Variants in ENOSF1 observed in about 807,000 individuals in gnomAD.
The protein encoded by ENOSF1 is enolase superfamily member 1, also known as mitochondrial enolase superfamily member 1.
Under a neutral mutation model 68.2 loss-of-function variants are expected in ENOSF1, and 73 were observed. The ratio of observed to expected loss-of-function variants is 1.07; its 90% CI spans 0.89 to 1.30. The LOEUF (loss-of-function observed/expected upper bound fraction) is 1.30. Ranked by LOEUF, ENOSF1 falls within the 50% of genes most tolerant of loss-of-function variation. The pLI is 0.00. For missense variants in ENOSF1, 589 were observed against 554.5 expected (o/e 1.06, Z -0.62); for synonymous variants, 223 against 210.4 (o/e 1.06, Z -0.52).
Position 672,637 on chromosome 18 carries a change from CTGTGTAA to C in ENOSF1, c.*1661_*1667del, listed in dbSNP as rs1289342089. 1.3e-5 allele frequency: 5 copies of C among 379,848 alleles called. No homozygotes were observed. The highest frequency in any genetic ancestry group is 2.4e-5 in the Non-Finnish European group (5 of 212,400). The allele number at this position is 379,848 out of a possible 1,614,324, so 23.5% of individuals were successfully genotyped here. A position where few individuals can be genotyped will look rare whatever the true frequency, so the allele number is the denominator to read the frequency against. ...CTGATGAGGCACCAGGCTCCTGATG[CTGTGTAA>C]TGTCACAAAATACCCCTCACTCTCG... On this transcript the variant is annotated 3_prime_UTR_variant, in exon 16 of 16. Coordinates refer to ENST00000647584, the MANE Select transcript of ENOSF1 (RefSeq NM_017512.7).
rs566491053 is a variant in ENOSF1, at chr18:672,344, C to G, written c.*1961G>C. ...GGAGGTGACTTCAGGCTTATTCTCT[C>G]TGGCTCTCTGCTCTGGTCGTTTTTA... is the stretch of plus-strand genomic sequence containing the variant. On this transcript the variant is annotated 3_prime_UTR_variant, in exon 16 of 16. Coordinates refer to ENST00000647584, the MANE Select transcript of ENOSF1 (RefSeq NM_017512.7). The G allele has an allele frequency of 6.6e-6, 1 of 152,426 alleles. No individual in the cohort carries two copies. The highest frequency in any genetic ancestry group is 1.5e-5 in the Non-Finnish European group (1 of 68,116). The allele number at this position is 152,426 out of a possible 1,614,324, so 9.4% of individuals were successfully genotyped here. A position where few individuals can be genotyped will look rare whatever the true frequency, so the allele number is the denominator to read the frequency against.
downstream of ENOSF1, among the ~76,000 whole-genome samples, chr18:667,023 A>AGATGGT (rs1187253620): frequency 2.4e-4 from 1 of 4,126 alleles, no homozygotes; most frequent in East Asian, 5.5e-3. Context: ...ATGGAGATGG[A>AGATGGT]GATGGTGATG....
Position 677,363 on chromosome 18 carries a change from G to A in ENOSF1, c.1130C>T (p.Ser377Phe). 1.2e-6 allele frequency: 2 copies of A among 1,613,816 alleles called. No homozygotes were observed. The highest frequency in any genetic ancestry group is 4.5e-5 in the East Asian group (2 of 44,882). ...TACTGACCTATTTTCAAGGCTTGCA[G>A]AAACTGATATGTAGTCAAATATAAT... Reference protein sequence around the residue: ...HLIIFDYISVSASLENRVCEY... With the variant: ...HLIIFDYISVFASLENRVCEY... Residue 377 changes from serine to phenylalanine, a missense_variant, in exon 14 of 16, where the codon TCT (serine) becomes TTT (phenylalanine). By Grantham distance (155) the Ser-to-Phe change is radical. Transcript: ENST00000647584.
In ENOSF1 at chr18:671,864, C is replaced by T. The variant is rs2075072813; in HGVS notation, c.*2441G>A. 1 of 181,002 alleles carries T rather than the reference C, an allele frequency of 5.5e-6. No individual in the cohort carries two copies. Among genetic ancestry groups the T allele is most frequent in the Non-Finnish European group, 1.1e-5 (1 of 88,040 alleles). 11.2% of individuals were successfully genotyped at this position (181,002 alleles called of 1,614,324 possible). On this transcript the variant is annotated 3_prime_UTR_variant, in exon 16 of 16. Transcript: ENST00000647584. Reference sequence around the variant, plus strand: ...GTGCGATCTCAGCTCACTGCAACCTCCACCTCCCGGGTTCAAGCAATTCTT... The same window carrying T: ...GTGCGATCTCAGCTCACTGCAACCTTCACCTCCCGGGTTCAAGCAATTCTT...
In ENOSF1 at chr18:675,394, TCA is replaced by T. The variant is rs1326691127; in HGVS notation, c.1155_1156del (p.Cys385Ter). 2 of 1,612,598 alleles carry T rather than the reference TCA, an allele frequency of 1.2e-6. No individual in the cohort carries two copies. The highest frequency in any genetic ancestry group is 1.7e-6 in the Non-Finnish European group (2 of 1,179,572). ...ATGCTCATGCAGGTGGTCAACATAC[TCA>T]CACACCCTAGGAGGAGGGAATCAGA... On this transcript the variant is annotated stop_gained and frameshift_variant, in exon 15 of 16. Transcript: ENST00000647584. LOFTEE classifies it high-confidence loss of function.
chr18:691,373 TCTCA>T, intron 5 of ENOSF1, 97 bp from the exon 6 acceptor site: 1 of 1,008,246 alleles, frequency 9.9e-7, no homozygotes. Flanking sequence ...AGAGACAAGG[TCTCA>T]CTCTGTTGCC....
intron 9 of ENOSF1, 98 bp downstream of exon 9, chr18:688,475 GT>G: frequency 3.3e-6 from 5 of 1,519,030 alleles, no homozygotes; most frequent in Non-Finnish European, 4.5e-6. Context: ...ATCCTAGCCC[GT>G]GGGTGCCTTT....
rs919501430 is a variant in ENOSF1 at position 688,731 on chromosome 18, G to A, written c.619-123C>T. ...TAGCATAGACCAGAGTAACACCCAT[G>A]TGTTGTTGAAATTAACAGCAGAAAC... On this transcript the variant is annotated intron_variant, in intron 8 of 15. Coordinates refer to ENST00000647584, the MANE Select transcript of ENOSF1 (RefSeq NM_017512.7). The A allele has an allele frequency of 9.3e-5, 77 of 825,110 alleles. 1 individual carries two copies. In the South Asian group the frequency reaches 1.2e-3, roughly 13 times the overall value. 51.1% of individuals were successfully genotyped at this position (825,110 alleles called of 1,614,324 possible). A position where few individuals can be genotyped will look rare whatever the true frequency, so the allele number is the denominator to read the frequency against.
Position 678,731 on chromosome 18 carries a change from C to G in ENOSF1, c.883G>C (p.Val295Leu). The G allele has an allele frequency of 1.2e-6, 2 of 1,614,166 alleles. No homozygotes were observed. The highest frequency in any genetic ancestry group is 1.7e-6 in the Non-Finnish European group (2 of 1,180,024). The change falls in exon 12 of 16, where the codon GTC (valine) becomes CTC (leucine). Residue 295 changes from valine (V) to leucine (L), a missense_variant. Transcript: ENST00000647584. ...LGHATISKAL[V>L]PLGIGIATGE... ...GTGGCAATGCCAATTCCTAATGGGA[C>G]CAGTGCCTATAAAATAGAAGGCAGC...
At chr18:667,611 G>GGT (rs1469266016), downstream of ENOSF1, 1 of 105,252 alleles carries the variant, frequency 9.5e-6, no homozygotes, top group Non-Finnish European at 1.9e-5. Context: ...TGATGGTGAT[G>GGT]GAGATGGGTG....
At chr18:693,674 C>G (rs543931260) in intron 5 of ENOSF1, 2 of 985,352 alleles carry the variant, frequency 2.0e-6, no homozygotes. Context: ...CACTGCTTCC[C>G]CTCATGCCAC....
intron 3 of ENOSF1, among the ~76,000 whole-genome samples, chr18:695,929 T>C (rs1456236223): frequency 6.6e-6 from 1 of 152,208 alleles, no homozygotes; most frequent in Non-Finnish European, 1.5e-5. Context: ...CAGGCACTAT[T>C]GAAAGTACAT....
intron 2 of ENOSF1, among the ~76,000 whole-genome samples, chr18:700,248 TCAGA>T (rs2078188079): frequency 1.3e-5 from 2 of 152,310 alleles, no homozygotes; most frequent in East Asian, 3.9e-4. Flanking sequence ...TCATTCTGGT[TCAGA>T]CATTCATTCC....
chr18:680,995 C>T (rs781633953), intron 11 of ENOSF1, among the ~76,000 whole-genome samples: 6 of 151,992 alleles, frequency 3.9e-5, no homozygotes, highest in African/African-American at 1.2e-4. Flanking sequence ...TATAGGTGGG[C>T]GGATCACGAG....
rs200181337 is a variant in ENOSF1 at position 683,767 on chromosome 18, A to ATTGTTTG, written c.742-388_742-387insCAAACAA. On this transcript the variant is annotated intron_variant, in intron 10 of 15. Transcript: ENST00000647584. Reference sequence around the variant, plus strand: ...TAGAAACCATTTTGTCACATTCTGAATCATGCACAATCAACATTGTTTGTT... The same window carrying ATTGTTTG: ...TAGAAACCATTTTGTCACATTCTGAATTGTTTGTCATGCACAATCAACATTGTTTGTT... 9.4e-3 allele frequency among the ~76,000 whole-genome samples: 1,433 copies of ATTGTTTG among 152,210 alleles called. 69 individuals are homozygous for ATTGTTTG. The East Asian group carries it at 0.13, about 14-fold the overall frequency.
At chr18:666,963 A>ATGGTGATGGAGATGGT, downstream of ENOSF1, among the ~76,000 whole-genome samples, 1 of 15,908 alleles carries the variant, frequency 6.3e-5, no homozygotes, top group Non-Finnish European at 1.1e-4. Flanking sequence ...ATGGAGATGG[A>ATGGTGATGGAGATGGT]GATGGTGATG....
rs574535486 is a variant in ENOSF1, at chr18:707,634, T to TA, written c.85-1057dup. 8 of 152,314 alleles carry TA rather than the reference T, an allele frequency of 5.3e-5. No individual in the cohort carries two copies. The South Asian group carries it at 1.7e-3, about 32-fold the overall frequency. 9.4% of individuals were successfully genotyped at this position (152,314 alleles called of 1,614,324 possible). ...CAGGCAGAAGATGTGAATGCATTCA[T>TA]AAAGAAGAATTGTGCATAAGGCTAT... On this transcript the variant is annotated intron_variant, in intron 1 of 15. Transcript: ENST00000647584.
chr18:704,354 G>A (rs372477984), intron 2 of ENOSF1, among the ~76,000 whole-genome samples: 40 of 150,784 alleles, frequency 2.7e-4, no homozygotes, highest in East Asian at 1.0e-3. Context: ...GCTTGAACCC[G>A]GGAGGTGGAG....
At chr18:702,892 C>G (rs991338175) in intron 2 of ENOSF1, among the ~76,000 whole-genome samples, 2 of 152,200 alleles carry the variant, frequency 1.3e-5, no homozygotes, top group African/African-American at 4.8e-5. Flanking sequence ...AACCCTCCCT[C>G]TCTGTCTCAC....
Sources: gnomAD v4.1 joint callset for allele counts (sites outside exome capture counted in the v4.1 genomes callset) on GRCh38, gnomAD v4.1.1 for gene constraint, MANE v1.5 for transcripts, NCBI Gene and HGNC (gene_info 2026-07-23, HGNC 2026-07-21) for gene names.